Variants in ABCA13 observed in about 807,000 individuals in gnomAD.
ABCA13 encodes the protein ATP-binding cassette sub-family A member 13.
A neutral mutation model predicts 478.7 loss-of-function variants in ABCA13; 476 were observed. The observed-to-expected ratio is 0.99, with a 90% CI of 0.92 to 1.07. The LOEUF (loss-of-function observed/expected upper bound fraction) is 1.07, where lower values mean the gene tolerates loss of function less well. Among genes scored for constraint, ABCA13 ranks in the 50% least tolerant of loss-of-function variants. The probability of loss-of-function intolerance (pLI) is 0.00; values close to 1 mark genes in which losing one functional copy is unlikely to be tolerated. For missense variants in ABCA13, 6,060 were observed against 5,910.6 expected (o/e 1.03, Z -0.83); for synonymous variants, 2,252 against 2,158.9 (o/e 1.04, Z -1.20).
At chr7:48,618,622 T>C (rs912528904) in intron 59 of ABCA13, among the ~76,000 whole-genome samples, 1 of 152,066 alleles carries the variant, frequency 6.6e-6, no homozygotes, top group Non-Finnish European at 1.5e-5. Flanking sequence ...AGGGATTTTA[T>C]TGTGATTTCT....
chr7:48,461,563 A>T (rs1826245373), intron 43 of ABCA13, among the ~76,000 whole-genome samples: 1 of 152,162 alleles, frequency 6.6e-6, no homozygotes, highest in Admixed American at 6.5e-5. Flanking sequence ...AGGCATTTTT[A>T]AAATGTTTAC....
At chr7:48,193,493 T>C (rs1036770706) in intron 2 of ABCA13, among the ~76,000 whole-genome samples, 8 of 151,792 alleles carry the variant, frequency 5.3e-5, no homozygotes, top group Non-Finnish European at 7.4e-5. Flanking sequence ...ATGATGGTGA[T>C]GATGATGACA....
In ABCA13 at chr7:48,392,117, G is replaced by A; in HGVS notation, c.11851G>A (p.Glu3951Lys). ...SIKAPQWTKK[E>K]LHQQVNQTLQ... ...AAAGGCGCCTCAGTGGACCAAGAAG[G>A]AGCTGCATCAGCAAGTCAATCAGTT... The change falls in exon 38 of 62, where the codon GAG (glutamate) becomes AAG (lysine). Residue 3951 changes from glutamate to lysine, a missense_variant. This residue lies in a region of ABCA13 where 1,627 missense variants were observed against 1,571.0 expected (regional missense o/e 1.04). Transcript: ENST00000435803. 6.2e-7 allele frequency: 1 copy of A among 1,613,846 alleles called. No individual in the cohort carries two copies. The highest frequency in any genetic ancestry group is 8.5e-7 in the Non-Finnish European group (1 of 1,179,866).
chr7:48,235,391 T>G (rs1477715197), intron 8 of ABCA13, among the ~76,000 whole-genome samples: 4 of 152,166 alleles, frequency 2.6e-5, no homozygotes, highest in African/African-American at 9.7e-5. Context: ...ATGTAAAACT[T>G]TTACCTTAGA....
At chr7:48,575,862 C>T (rs1248990187) in intron 55 of ABCA13, among the ~76,000 whole-genome samples, 1 of 152,018 alleles carries the variant, frequency 6.6e-6, no homozygotes, top group Non-Finnish European at 1.5e-5. Flanking sequence ...AAACTGCTAC[C>T]CCAGTACTAG....
intron 31 of ABCA13, among the ~76,000 whole-genome samples, chr7:48,363,924 A>G (rs1811275374): frequency 6.6e-6 from 1 of 152,184 alleles, no homozygotes; most frequent in Non-Finnish European, 1.5e-5. Context: ...GTTCACTATT[A>G]TCATCTGTTC....
At chr7:48,376,707 A>G in intron 35 of ABCA13, 135 bp downstream of exon 35, 1 of 1,073,718 alleles carries the variant, frequency 9.3e-7, no homozygotes, top group Non-Finnish European at 1.3e-6. Flanking sequence ...TATATTTAAA[A>G]GGAGCTGTAC....
chr7:48,472,629 G>T (rs1358252074), intron 45 of ABCA13, among the ~76,000 whole-genome samples: 5 of 152,140 alleles, frequency 3.3e-5, no homozygotes, highest in Non-Finnish European at 5.9e-5. Flanking sequence ...CTGCTGCAGA[G>T]AGGGATCTCA....
In ABCA13 at chr7:48,355,224, T is replaced by C. The variant is rs1415001626; in HGVS notation, c.10688+2737T>C. 7.2e-5 allele frequency among the ~76,000 whole-genome samples: 11 copies of C among 151,848 alleles called. No homozygotes were observed. The East Asian group carries it at 2.1e-3, about 29-fold the overall frequency. ...GGACACTAGGAGGGGAAGATGGAAT[T>C]GTTAATGTGGATGGGGTAGACCCTA... On this transcript the variant is annotated intron_variant, in intron 31 of 61. Coordinates refer to ENST00000435803, the MANE Select transcript of ABCA13 (RefSeq NM_152701.5).
At chr7:48,224,486 C>G (rs186956140) in intron 5 of ABCA13, among the ~76,000 whole-genome samples, 1 of 152,272 alleles carries the variant, frequency 6.6e-6, no homozygotes, top group African/African-American at 2.4e-5. Context: ...GCTGCATTGA[C>G]TTTTCCCTCT....
At chr7:48,209,926 T>TA (rs1489365055) in intron 3 of ABCA13, among the ~76,000 whole-genome samples, 1 of 152,118 alleles carries the variant, frequency 6.6e-6, no homozygotes, top group Admixed American at 6.6e-5. Context: ...GTGTATCTAT[T>TA]AAAAAAACTT....
At position 48,219,469 on chromosome 7, in the gene ABCA13, T is replaced by A; in HGVS notation, c.403T>A (p.Leu135Ile). ...IHGMMDKAKNLKRLWVERSNT... is the reference protein window; with the variant it reads ...IHGMMDKAKNIKRLWVERSNT... ...TGGAATGATGGACAAGGCAAAAAAC[T>A]TAAAAAGACTTTGGGTAGAACGATC... The change falls in exon 4 of 62, where the codon TTA becomes ATA. Residue 135 changes from leucine to isoleucine, a missense_variant. Coordinates refer to ENST00000435803, the MANE Select transcript of ABCA13 (RefSeq NM_152701.5). 6.2e-7 allele frequency: 1 copy of A among 1,612,990 alleles called. No homozygotes were observed. Among genetic ancestry groups the A allele is most frequent in the Non-Finnish European group, 8.5e-7 (1 of 1,179,552 alleles).
intron 5 of ABCA13, among the ~76,000 whole-genome samples, chr7:48,223,748 G>T (rs938244084): frequency 5.3e-4 from 81 of 152,162 alleles, no homozygotes; most frequent in Middle Eastern, 6.8e-3. Flanking sequence ...CCTAAGGTCA[G>T]GAGTTCAAGA....
At chr7:48,254,133 A>G (rs1032225888) in intron 15 of ABCA13, among the ~76,000 whole-genome samples, 11 of 149,988 alleles carry the variant, frequency 7.3e-5, no homozygotes, top group African/African-American at 2.7e-4. Flanking sequence ...ATGTTCTAGA[A>G]TTTTCATTTT....
At chr7:48,207,512 T>C (rs990914033) in intron 3 of ABCA13, among the ~76,000 whole-genome samples, 2 of 152,194 alleles carry the variant, frequency 1.3e-5, no homozygotes, top group Non-Finnish European at 2.9e-5. Flanking sequence ...TGAGATCATA[T>C]CTCATTGTAA....
At chr7:48,214,820 C>T (rs10249357) in intron 3 of ABCA13, among the ~76,000 whole-genome samples, 67,965 of 152,028 alleles carry the variant, frequency 0.45, 17,196 homozygotes, top group Non-Finnish European at 0.58. Flanking sequence ...ATCCAGACCT[C>T]TAAAACTTTT....
Position 48,313,070 on chromosome 7 carries a change from C to G in ABCA13, c.9520C>G (p.Leu3174Val). 1 of 1,577,772 alleles carries G rather than the reference C, an allele frequency of 6.3e-7. No homozygotes were observed. The highest frequency in any genetic ancestry group is 1.2e-5 in the South Asian group (1 of 84,750). The stretch of plus-strand genomic sequence containing the variant: ...TTGTTTTTGTTTTGTCCTTTAGACT[C>G]TGATGCCTTCTGAAGCAAATGGCTT... ...LDVRAFIYKTLMPSEANGLLN... is the reference protein window; with the variant it reads ...LDVRAFIYKTVMPSEANGLLN... The change falls in exon 25 of 62, where the codon CTG becomes GTG. Residue 3174 changes from leucine (L) to valine (V), a missense_variant. Leu to Val is a conservative substitution (Grantham distance 32). Around this residue, in one of 3 missense-constraint regions of ABCA13, gnomAD observed 4,423 missense variants for 4,309.1 expected, o/e 1.03. Coordinates refer to ENST00000435803, the MANE Select transcript of ABCA13 (RefSeq NM_152701.5).
At position 48,387,820 on chromosome 7, in the gene ABCA13, A is replaced by G; in HGVS notation, c.11336-2A>G. ...ACTAATTTTAATTGTTTCATTTTTTAGGAACATTTGGTTTACGGAAACCAT... is the reference window on the plus strand; with the variant it reads ...ACTAATTTTAATTGTTTCATTTTTTGGGAACATTTGGTTTACGGAAACCAT... On this transcript the variant is annotated splice_acceptor_variant, in intron 35 of 61. Transcript: ENST00000435803. LOFTEE classifies it high-confidence loss of function. 1 of 1,562,136 alleles carries G rather than the reference A, an allele frequency of 6.4e-7. No homozygotes were observed. Among genetic ancestry groups the G allele is most frequent in the African/African-American group, 1.4e-5 (1 of 72,580 alleles).
chr7:48,335,647 T>G (rs1443780437), intron 28 of ABCA13, 112 bp downstream of exon 28: 1 of 649,558 alleles, frequency 1.5e-6, no homozygotes, highest in East Asian at 3.0e-5. Context: ...GCATAGTGGT[T>G]CTAGTTGACT....
Sources: allele counts gnomAD v4.1 joint callset (sites outside exome capture counted in the v4.1 genomes callset), GRCh38; gene constraint gnomAD v4.1.1; regional missense constraint gnomAD v4.1.1; transcripts MANE v1.5; gene names NCBI Gene and HGNC (gene_info 2026-07-23, HGNC 2026-07-21).